The following LARGE1 variants were observed in gnomAD, a reference collection of about 807,000 sequenced individuals.
The protein encoded by LARGE1 is LARGE xylosyl- and glucuronyltransferase 1.
A neutral mutation model predicts 87.6 loss-of-function variants in LARGE1; 43 were observed. The ratio of observed to expected loss-of-function variants is 0.49; its 90% confidence interval spans 0.38 to 0.63. The LOEUF (loss-of-function observed/expected upper bound fraction) is 0.63. LARGE1 is among the 30% of genes least tolerant of loss of function. The pLI is 0.00. For synonymous variants in LARGE1, 434 were observed against 394.6 expected (o/e 1.10, Z -1.18); for missense variants, 802 against 1,000.2 (o/e 0.80, Z 2.67).
chr22:33,726,764 A>C (rs1189777566), intron 2 of LARGE1, among the ~76,000 whole-genome samples: 1 of 152,178 alleles, frequency 6.6e-6, no homozygotes, highest in Non-Finnish European at 1.5e-5. Context: ...ATGGGGCACT[A>C]CACTGGGACT....
chr22:33,867,568 C>T (rs999623035), intron 1 of LARGE1, among the ~76,000 whole-genome samples: 1 of 152,168 alleles, frequency 6.6e-6, no homozygotes, highest in Non-Finnish European at 1.5e-5. Flanking sequence ...CAGCAAGTGG[C>T]ACTATGCTGC....
At chr22:33,339,026 T>C (rs1938825042) in intron 9 of LARGE1, among the ~76,000 whole-genome samples, 1 of 151,838 alleles carries the variant, frequency 6.6e-6, no homozygotes, top group Non-Finnish European at 1.5e-5. Context: ...CAGGTGCTTG[T>C]AATCCCAGCT....
intron 3 of LARGE1, among the ~76,000 whole-genome samples, chr22:33,649,565 A>C (rs1041098552): frequency 6.6e-6 from 1 of 152,202 alleles, no homozygotes; most frequent in Non-Finnish European, 1.5e-5. Context: ...CCTAAAGTTT[A>C]CTGATGAGAC....
At chr22:33,878,878 T>A (rs1000099553) in intron 1 of LARGE1, among the ~76,000 whole-genome samples, 1 of 152,134 alleles carries the variant, frequency 6.6e-6, no homozygotes, top group East Asian at 1.9e-4. Context: ...AGAGTGAGGG[T>A]AAATGTTTGC....
intron 1 of LARGE1, among the ~76,000 whole-genome samples, chr22:33,908,972 G>A (rs946524402): frequency 6.6e-6 from 1 of 152,106 alleles, no homozygotes; most frequent in African/African-American, 2.4e-5. Context: ...ATGAGGAAAA[G>A]AAGAATTTTC....
intron 1 of LARGE1, among the ~76,000 whole-genome samples, chr22:33,803,771 T>C (rs1353451164): frequency 6.6e-6 from 1 of 152,208 alleles, no homozygotes; most frequent in Non-Finnish European, 1.5e-5. Flanking sequence ...GGGAAGCTCA[T>C]TAGAGGTTCC....
intron 6 of LARGE1, among the ~76,000 whole-genome samples, chr22:33,441,993 G>GA (rs1569166253): frequency 6.6e-6 from 1 of 151,962 alleles, no homozygotes; most frequent in African/African-American, 2.4e-5. Flanking sequence ...CTTTCACTTG[G>GA]AAAAAATACT....
chr22:33,899,721 T>G (rs2065235882), intron 1 of LARGE1, among the ~76,000 whole-genome samples: 1 of 152,164 alleles, frequency 6.6e-6, no homozygotes, highest in African/African-American at 2.4e-5. Flanking sequence ...AAGGAATGAA[T>G]CTGAGCAAAG....
rs562024051 is a variant in LARGE1 at position 33,863,533 on chromosome 22, G to A, written c.-83+56462C>T. Among the ~76,000 whole-genome samples the A allele has an allele frequency of 5.9e-4, 90 of 151,758 alleles. 2 individuals carry two copies. The South Asian group carries it at 0.018, about 30-fold the overall frequency. On this transcript the variant is annotated intron_variant, in intron 1 of 14. Coordinates refer to ENST00000397394, the MANE Select transcript of LARGE1 (RefSeq NM_133642.5). ...CCAACACTGGGAGGCCGAGGTGGGCGGATCACAAGGTCAGGAGTTCGAGAC... is the reference window on the plus strand; with the variant it reads ...CCAACACTGGGAGGCCGAGGTGGGCAGATCACAAGGTCAGGAGTTCGAGAC...
intron 10 of LARGE1, among the ~76,000 whole-genome samples, chr22:33,329,847 T>C (rs1013098304): frequency 2.0e-5 from 3 of 152,154 alleles, no homozygotes; most frequent in Admixed American, 6.5e-5. Context: ...CAAGACCCTC[T>C]TGATGATAAA....
chr22:33,085,847 G>A, the LARGE1 span, among the ~76,000 whole-genome samples: 1 of 152,116 alleles, frequency 6.6e-6, no homozygotes, highest in Non-Finnish European at 1.5e-5. Flanking sequence ...AAATCACAAT[G>A]TCATTTTTTG....
the LARGE1 span, among the ~76,000 whole-genome samples, chr22:33,118,040 G>A: frequency 4.1e-4 from 63 of 152,282 alleles, no homozygotes; most frequent in African/African-American, 1.5e-3. Flanking sequence ...AATCAAATCT[G>A]AGGATGCACC....
intron 8 of LARGE1, among the ~76,000 whole-genome samples, chr22:33,383,653 C>G (rs1335324240): frequency 1.3e-5 from 2 of 152,212 alleles, no homozygotes; most frequent in African/African-American, 2.4e-5. Flanking sequence ...AGGTGGTTTT[C>G]TTGCAGTTTA....
chr22:33,433,346 C>T (rs2067148853), intron 6 of LARGE1, among the ~76,000 whole-genome samples: 1 of 151,928 alleles, frequency 6.6e-6, no homozygotes, highest in Non-Finnish European at 1.5e-5. Context: ...CCTGTAATCC[C>T]AGCACTTTGG....
intron 4 of LARGE1, among the ~76,000 whole-genome samples, chr22:33,605,062 G>A (rs1036835606): frequency 2.0e-5 from 3 of 151,236 alleles, no homozygotes; most frequent in African/African-American, 4.9e-5. Flanking sequence ...TGGAGTCATC[G>A]GGAGCTCCCA....
chr22:33,604,313 T>TA, intron 5 of LARGE1, 122 bp downstream of exon 5: 1 of 1,309,882 alleles, frequency 7.6e-7, no homozygotes, highest in Non-Finnish European at 1.1e-6. Context: ...ACAACTTCCT[T>TA]ACGCCCTACA....
chr22:33,211,169 T>C (rs1602098132), intron 11 of LARGE1, among the ~76,000 whole-genome samples: 2 of 152,186 alleles, frequency 1.3e-5, no homozygotes, highest in African/African-American at 2.4e-5. Context: ...CCATGAACCA[T>C]GTAAGACAGA....
intron 4 of LARGE1, among the ~76,000 whole-genome samples, chr22:33,618,288 T>G (rs1224460504): frequency 6.6e-6 from 1 of 152,206 alleles, no homozygotes; most frequent in African/African-American, 2.4e-5. Flanking sequence ...AGAGCAACTT[T>G]CAAGAAAAAT....
intron 11 of LARGE1, among the ~76,000 whole-genome samples, chr22:33,198,137 G>A (rs137436): frequency 0.6 from 90,788 of 152,006 alleles, 27,727 homozygotes; most frequent in African/African-American, 0.7. Context: ...CTCCAGAGCG[G>A]TGTGGTGGGT....
Sources: allele counts gnomAD v4.1 joint callset (sites outside exome capture counted in the v4.1 genomes callset), GRCh38; gene constraint gnomAD v4.1.1; transcripts MANE v1.5; gene names NCBI Gene and HGNC (gene_info 2026-07-23, HGNC 2026-07-21).